Variants in SNAP91 observed in about 807,000 individuals in gnomAD.
SNAP91 encodes clathrin coat assembly protein AP180.
In SNAP91, 27 loss-of-function variants were observed where a neutral mutation model predicts 100.3. That is an observed-to-expected ratio of 0.27 (90% CI 0.20 to 0.37). The LOEUF (loss-of-function observed/expected upper bound fraction) is 0.37, where lower values mean the gene tolerates loss of function less well. SNAP91 is among the 10% of genes least tolerant of loss of function. The pLI is 1.00. For synonymous variants in SNAP91, 404 were observed against 398.6 expected (o/e 1.01, Z -0.16); for missense variants, 986 against 1,123.7 (o/e 0.88, Z 1.75).
chr6:83,694,978 C>G (rs954606287), intron 2 of SNAP91, among the ~76,000 whole-genome samples: 1 of 151,846 alleles, frequency 6.6e-6, no homozygotes, highest in Admixed American at 6.6e-5. Flanking sequence ...TTTAAAAAAA[C>G]GAAAACTGTG....
At position 83,568,400 on chromosome 6, in the gene SNAP91, T is replaced by C. The variant is rs536703557; in HGVS notation, c.2442+6610A>G. Among the ~76,000 whole-genome samples the C allele has an allele frequency of 9.8e-3, 1,484 of 152,002 alleles. 13 individuals are homozygous for C. The highest frequency in any genetic ancestry group is 0.034 in the African/African-American group (1,406 of 41,404). On this transcript the variant is annotated intron_variant, in intron 26 of 29. Transcript: ENST00000369694. The stretch of plus-strand genomic sequence containing the variant: ...TAGGAGATATACCTAATGTAAATGA[T>C]GAGTTAATGGGTGCAGCACACCAAC...
chr6:83,555,719 T>A (rs556133733), intron 29 of SNAP91, among the ~76,000 whole-genome samples: 7 of 152,266 alleles, frequency 4.6e-5, no homozygotes, highest in African/African-American at 1.4e-4. Flanking sequence ...AATCTAAGCT[T>A]TATGAGGCAA....
intron 3 of SNAP91, among the ~76,000 whole-genome samples, 165 bp from the exon 4 acceptor site, chr6:83,662,587 T>G (rs772732085): frequency 2.8e-4 from 42 of 152,098 alleles, no homozygotes; most frequent in Non-Finnish European, 5.4e-4. Flanking sequence ...AAAAAAAGCT[T>G]TGTGAATTAG....
intron 7 of SNAP91, among the ~76,000 whole-genome samples, chr6:83,651,378 T>C (rs217314): frequency 0.79 from 120,606 of 152,084 alleles, 48,170 homozygotes; most frequent in South Asian, 0.87. Context: ...TATATGCATT[T>C]GATACTACAA....
intron 16 of SNAP91, among the ~76,000 whole-genome samples, chr6:83,600,504 T>C (rs1270257109): frequency 6.6e-6 from 1 of 152,198 alleles, no homozygotes; most frequent in African/African-American, 2.4e-5. Context: ...TGAGAACTTC[T>C]TTAGGTGTGG....
intron 5 of SNAP91, among the ~76,000 whole-genome samples, chr6:83,660,308 C>T (rs761239164): frequency 1.3e-5 from 2 of 152,160 alleles, no homozygotes; most frequent in Non-Finnish European, 2.9e-5. Context: ...AAGGAAAACA[C>T]CTACTTTTAT....
At chr6:83,606,079 T>C (rs2095595410) in intron 13 of SNAP91, among the ~76,000 whole-genome samples, 1 of 152,174 alleles carries the variant, frequency 6.6e-6, no homozygotes, top group South Asian at 2.1e-4. Flanking sequence ...ACATAGACAA[T>C]ACACAAACAA....
At chr6:83,624,538 T>C (rs2096856934) in intron 8 of SNAP91, among the ~76,000 whole-genome samples, 1 of 152,124 alleles carries the variant, frequency 6.6e-6, no homozygotes, top group African/African-American at 2.4e-5. Context: ...AATGCTGAAC[T>C]ACCTTCTTTC....
chr6:83,599,152 TTGA>T (rs1562280575), intron 16 of SNAP91, among the ~76,000 whole-genome samples: 1 of 152,156 alleles, frequency 6.6e-6, no homozygotes, highest in Non-Finnish European at 1.5e-5. Context: ...ATTTTTCCAC[TTGA>T]TGAATATAGT....
At chr6:83,656,952 C>T (rs2098421208) in intron 6 of SNAP91, 87 bp from the exon 7 acceptor site, 2 of 597,984 alleles carry the variant, frequency 3.3e-6, no homozygotes, top group Non-Finnish European at 5.8e-6. Context: ...CAAATGACTA[C>T]TAAGAAATTC....
chr6:83,653,152 T>C (rs1240203650), intron 7 of SNAP91, among the ~76,000 whole-genome samples: 2 of 151,896 alleles, frequency 1.3e-5, no homozygotes, highest in Non-Finnish European at 2.9e-5. Context: ...GAAAATTCTC[T>C]GTCGTTATTA....
intron 8 of SNAP91, among the ~76,000 whole-genome samples, chr6:83,638,989 A>G (rs941600856): frequency 1.3e-5 from 2 of 152,226 alleles, no homozygotes; most frequent in Admixed American, 6.5e-5. Context: ...GAGACTTCAG[A>G]TAAGAATATA....
chr6:83,554,227 C>T lies in SNAP91; in HGVS notation c.*69G>A. 1 of 251,504 alleles carries T rather than the reference C, an allele frequency of 4.0e-6. No individual in the cohort carries two copies. Among genetic ancestry groups the T allele is most frequent in the Non-Finnish European group, 7.9e-6 (1 of 126,158 alleles). The allele number at this position is 251,504 out of a possible 1,614,324, so 15.6% of individuals were successfully genotyped here. A position where few individuals can be genotyped will look rare whatever the true frequency, so the allele number is the denominator to read the frequency against. ...GGTGGCTCCCTTTGAAACTCAGCAT[C>T]AATCTTATTTGAAGTCTCCAAACTC... On this transcript the variant is annotated 3_prime_UTR_variant, in exon 30 of 30. Coordinates refer to ENST00000369694, the MANE Select transcript of SNAP91 (RefSeq NM_001242792.2).
intron 25 of SNAP91, chr6:83,575,556 C>G (rs1355156846): frequency 8.6e-6 from 2 of 232,208 alleles, no homozygotes; most frequent in Non-Finnish European, 1.6e-5. Context: ...TGCAACCTGC[C>G]TTACAGTGAT....
intron 24 of SNAP91, among the ~76,000 whole-genome samples, chr6:83,579,627 C>T (rs1429164655): frequency 6.6e-6 from 1 of 152,172 alleles, no homozygotes; most frequent in Non-Finnish European, 1.5e-5. Context: ...TTTGTAATAG[C>T]TGCCCTCCTC....
chr6:83,613,725 C>G (rs147584076), intron 11 of SNAP91, among the ~76,000 whole-genome samples: 12 of 152,334 alleles, frequency 7.9e-5, no homozygotes, highest in African/African-American at 2.6e-4. Flanking sequence ...TTGCTTCTCT[C>G]TTACACAACA....
chr6:83,609,645 G>A (rs981010809), intron 12 of SNAP91, among the ~76,000 whole-genome samples: 3 of 152,152 alleles, frequency 2.0e-5, no homozygotes, highest in African/African-American at 4.8e-5. Context: ...GTGAACTACA[G>A]ACCTATAGAA....
chr6:83,657,986 G>A (rs1018275510), intron 6 of SNAP91, among the ~76,000 whole-genome samples: 1 of 147,694 alleles, frequency 6.8e-6, no homozygotes, highest in Non-Finnish European at 1.5e-5. Context: ...CACCATGTTG[G>A]CCATGCTGGT....
chr6:83,705,812 G>GA (rs535532143), intron 2 of SNAP91, among the ~76,000 whole-genome samples: 167 of 133,596 alleles, frequency 1.3e-3, no homozygotes, highest in African/African-American at 8.8e-4. Context: ...CTCACAAAGA[G>GA]AAAAAAAAAA....
Sources: allele counts gnomAD v4.1 joint callset (sites outside exome capture counted in the v4.1 genomes callset), GRCh38; gene constraint gnomAD v4.1.1; transcripts MANE v1.5; gene names NCBI Gene and HGNC (gene_info 2026-07-23, HGNC 2026-07-21).